Variants in SORCS3 observed in about 807,000 individuals in gnomAD.
SORCS3 encodes sortilin related VPS10 domain containing receptor 3.
Under a neutral mutation model 146.3 loss-of-function variants are expected in SORCS3, and 57 were observed. The observed-to-expected ratio is 0.39, with a 90% CI of 0.31 to 0.49. The LOEUF (loss-of-function observed/expected upper bound fraction) is 0.49, where lower values mean the gene tolerates loss of function less well. Among genes scored for constraint, SORCS3 ranks in the 20% least tolerant of loss-of-function variants. SORCS3 has a pLI of 0.92. For missense variants in SORCS3, 1,341 were observed against 1,575.5 expected (o/e 0.85, Z 2.52); for synonymous variants, 653 against 618.5 (o/e 1.06, Z -0.83).
chr10:105,052,782 G>C (rs1000106736), intron 5 of SORCS3, among the ~76,000 whole-genome samples: 2 of 152,064 alleles, frequency 1.3e-5, no homozygotes, highest in African/African-American at 4.8e-5. Context: ...CAAGGAGAAA[G>C]TACCAAATTG....
At chr10:105,262,524 T>TGA in intron 26 of SORCS3, 33 bp downstream of exon 26, 1 of 1,598,630 alleles carries the variant, frequency 6.3e-7, no homozygotes, top group Non-Finnish European at 8.5e-7. Context: ...GCTCCCCTGT[T>TGA]CTGTGTCCTC....
chr10:105,245,394 T>C, intron 20 of SORCS3, 148 bp from the exon 21 acceptor site: 1 of 883,954 alleles, frequency 1.1e-6, no homozygotes, highest in South Asian at 1.7e-5. Context: ...ACTGGAAGAA[T>C]AATCACAGTT....
At chr10:105,038,359 G>A (rs1306068185) in intron 4 of SORCS3, among the ~76,000 whole-genome samples, 1 of 152,190 alleles carries the variant, frequency 6.6e-6, no homozygotes, top group African/African-American at 2.4e-5. Context: ...TGCATTGCCT[G>A]TATAAGGAAG....
intron 8 of SORCS3, among the ~76,000 whole-genome samples, chr10:105,140,991 A>T (rs766393170): frequency 5.3e-5 from 8 of 152,226 alleles, no homozygotes; most frequent in African/African-American, 9.6e-5. Flanking sequence ...ATGCCCCGTT[A>T]CAGTAACCAG....
intron 7 of SORCS3, among the ~76,000 whole-genome samples, chr10:105,137,319 A>C (rs1450513941): frequency 6.6e-6 from 1 of 152,116 alleles, no homozygotes; most frequent in Non-Finnish European, 1.5e-5. Flanking sequence ...AGGTGACCAG[A>C]TGATATATTT....
intron 2 of SORCS3, among the ~76,000 whole-genome samples, chr10:104,902,154 C>A (rs560018682): frequency 6.6e-6 from 1 of 152,170 alleles, no homozygotes; most frequent in Non-Finnish European, 1.5e-5. Flanking sequence ...ACCCAATCAA[C>A]CATAACTCAT....
At chr10:105,127,252 G>A (rs1162488350) in intron 7 of SORCS3, among the ~76,000 whole-genome samples, 1 of 152,034 alleles carries the variant, frequency 6.6e-6, no homozygotes, top group African/African-American at 2.4e-5. Flanking sequence ...ATTTTCGAAG[G>A]CATGGTGTTG....
chr10:104,823,579 C>T (rs576564652), intron 1 of SORCS3, among the ~76,000 whole-genome samples: 3 of 152,266 alleles, frequency 2.0e-5, no homozygotes, highest in Admixed American at 6.5e-5. Context: ...CTTCACTGAT[C>T]CACCCTTCAT....
At chr10:105,228,766 A>G (rs925747166) in intron 20 of SORCS3, among the ~76,000 whole-genome samples, 4 of 152,032 alleles carry the variant, frequency 2.6e-5, no homozygotes, top group Non-Finnish European at 5.9e-5. Context: ...TCCTTTGCCT[A>G]TTTTTTGAAT....
intron 4 of SORCS3, among the ~76,000 whole-genome samples, chr10:104,989,461 C>T (rs759814685): frequency 3.0e-4 from 45 of 152,106 alleles, no homozygotes; most frequent in Non-Finnish European, 6.3e-4. Context: ...AGTGGAAGGG[C>T]CTGGCAGAGG....
intron 5 of SORCS3, among the ~76,000 whole-genome samples, chr10:105,057,742 A>G (rs1234531561): frequency 6.6e-6 from 1 of 152,192 alleles, no homozygotes; most frequent in African/African-American, 2.4e-5. Context: ...AGATTCTTCA[A>G]GCAATTAGGC....
At chr10:105,254,296 T>C (rs1329420268) in intron 23 of SORCS3, among the ~76,000 whole-genome samples, 1 of 152,214 alleles carries the variant, frequency 6.6e-6, no homozygotes, top group East Asian at 1.9e-4. Flanking sequence ...ACAGAGCTAA[T>C]GATGGGTTGA....
At chr10:105,189,606 T>C (rs1001193279) in intron 14 of SORCS3, among the ~76,000 whole-genome samples, 1 of 152,174 alleles carries the variant, frequency 6.6e-6, no homozygotes, top group Non-Finnish European at 1.5e-5. Context: ...CCTCAAGTTT[T>C]CATGGTGCTG....
intron 4 of SORCS3, among the ~76,000 whole-genome samples, chr10:104,978,330 A>T (rs2054913051): frequency 6.6e-6 from 1 of 152,154 alleles, no homozygotes; most frequent in South Asian, 2.1e-4. Flanking sequence ...CCATTTTGTT[A>T]TTTTCTAAAA....
intron 1 of SORCS3, among the ~76,000 whole-genome samples, chr10:104,759,384 A>G (rs955129908): frequency 6.6e-5 from 10 of 152,306 alleles, no homozygotes; most frequent in African/African-American, 1.9e-4. Context: ...TAGCAAACTC[A>G]TACACAGAGG....
chr10:104,962,816 T>A (rs576899996), intron 3 of SORCS3, among the ~76,000 whole-genome samples: 2 of 152,226 alleles, frequency 1.3e-5, no homozygotes, highest in Non-Finnish European at 2.9e-5. Flanking sequence ...AAAATACTCA[T>A]AATCTTGCCA....
At chr10:105,033,200 C>T (rs578234176) in intron 4 of SORCS3, among the ~76,000 whole-genome samples, 2 of 152,328 alleles carry the variant, frequency 1.3e-5, no homozygotes, top group South Asian at 4.1e-4. Context: ...ATTCAAGGTA[C>T]ACTGCCATTC....
chr10:104,977,529 C>T, intron 4 of SORCS3, 36 bp downstream of exon 4: 1 of 1,524,228 alleles, frequency 6.6e-7, no homozygotes, highest in Admixed American at 1.9e-5. Context: ...TTCTTGTCAT[C>T]CAGGTACCAC....
chr10:104,680,126 T>C (rs1438476153), intron 1 of SORCS3, among the ~76,000 whole-genome samples: 1 of 152,116 alleles, frequency 6.6e-6, no homozygotes, highest in Non-Finnish European at 1.5e-5. Flanking sequence ...TCAGCACACA[T>C]TTACTGATTG....
Sources: allele counts gnomAD v4.1 joint callset (sites outside exome capture counted in the v4.1 genomes callset), GRCh38; gene constraint gnomAD v4.1.1; transcripts MANE v1.5; gene names NCBI Gene and HGNC (gene_info 2026-07-23, HGNC 2026-07-21).